Variants in RFX3 observed in about 807,000 individuals in gnomAD.
The protein encoded by RFX3 is transcription factor RFX3.
In RFX3, 14 loss-of-function variants were observed where a neutral mutation model predicts 98.6. That is an observed-to-expected ratio of 0.14 (90% CI 0.09 to 0.22). The LOEUF is 0.22. RFX3 is among the 10% of genes least tolerant of loss of function. The pLI, the probability that RFX3 is intolerant of heterozygous loss-of-function variation, is 1.00. For synonymous variants in RFX3, 383 were observed against 328.4 expected (o/e 1.17, Z -1.80); for missense variants, 639 against 926.9 (o/e 0.69, Z 4.03).
chr9:3,263,207 C>T (rs1823152039), intron 12 of RFX3, 123 bp from the exon 13 acceptor site: 10 of 1,004,724 alleles, frequency 1.0e-5, no homozygotes, highest in South Asian at 1.6e-5. Flanking sequence ...ATTTAAAATT[C>T]ATTTGGTGAG....
chr9:3,340,837 T>A (rs544794217), intron 3 of RFX3, among the ~76,000 whole-genome samples: 1 of 152,190 alleles, frequency 6.6e-6, no homozygotes, highest in African/African-American at 2.4e-5. Context: ...ATTGTGGAAG[T>A]CAGTGTGGCG....
intron 2 of RFX3, among the ~76,000 whole-genome samples, chr9:3,365,023 C>T (rs895616727): frequency 3.9e-5 from 6 of 151,912 alleles, no homozygotes; most frequent in African/African-American, 1.2e-4. Flanking sequence ...AGTAACAGGC[C>T]GGGCGTGGTG....
chr9:3,267,457 T>A (rs576347), intron 11 of RFX3, among the ~76,000 whole-genome samples: 123,015 of 151,862 alleles, frequency 0.81, 50,904 homozygotes, highest in East Asian at 0.9. Flanking sequence ...CCAGGTTTTA[T>A]AAATAATTTC....
rs1021847429 is a variant in RFX3 at position 3,224,776 on chromosome 9, A to T, written c.*266T>A. The T allele has an allele frequency of 6.5e-6, 2 of 307,042 alleles. No homozygotes were observed. Among genetic ancestry groups the T allele is most frequent in the Non-Finnish European group, 1.2e-5 (2 of 167,686 alleles). The allele number at this position is 307,042 out of a possible 1,614,324, so 19.0% of individuals were successfully genotyped here. Reference sequence around the variant, plus strand: ...TTACTTTTTAATTATAAGAAAACAAAACATTGACATTAAGTGTTGTAAAAA... The same window carrying T: ...TTACTTTTTAATTATAAGAAAACAATACATTGACATTAAGTGTTGTAAAAA... On this transcript the variant is annotated 3_prime_UTR_variant, in exon 17 of 17. Transcript: ENST00000617270.
chr9:3,485,567 A>C (rs1486467733), intron 1 of RFX3, among the ~76,000 whole-genome samples: 1 of 152,170 alleles, frequency 6.6e-6, no homozygotes, highest in Admixed American at 6.5e-5. Flanking sequence ...ATTTGTTATC[A>C]ATTATTTTTA....
intron 5 of RFX3, among the ~76,000 whole-genome samples, chr9:3,296,918 A>G (rs1586927306): frequency 6.6e-6 from 1 of 152,114 alleles, no homozygotes; most frequent in South Asian, 2.1e-4. Context: ...GCTGGGGATT[A>G]TAATCTCCAT....
At chr9:3,319,187 C>A (rs1255276214) in intron 4 of RFX3, among the ~76,000 whole-genome samples, 2 of 152,314 alleles carry the variant, frequency 1.3e-5, no homozygotes, top group Admixed American at 6.5e-5. Context: ...AAAGTGTGGT[C>A]TTGGACCAGC....
chr9:3,291,674 TC>T, intron 6 of RFX3, among the ~76,000 whole-genome samples: 1 of 152,204 alleles, frequency 6.6e-6, no homozygotes, highest in East Asian at 1.9e-4. Context: ...GTTATAGGGG[TC>T]CTAGCCATGA....
intron 1 of RFX3, among the ~76,000 whole-genome samples, chr9:3,506,898 A>C (rs540504769): frequency 6.6e-6 from 1 of 152,088 alleles, no homozygotes; most frequent in Non-Finnish European, 1.5e-5. Flanking sequence ...ATCCAATGGA[A>C]ATAATAAAAG....
chr9:3,487,824 C>A (rs1850401805), intron 1 of RFX3, among the ~76,000 whole-genome samples: 1 of 152,092 alleles, frequency 6.6e-6, no homozygotes, highest in Non-Finnish European at 1.5e-5. Context: ...AGAGTAGATA[C>A]AAATTCTAGA....
chr9:3,229,655 C>T (rs1818231913), intron 15 of RFX3, among the ~76,000 whole-genome samples: 1 of 151,990 alleles, frequency 6.6e-6, no homozygotes, highest in Non-Finnish European at 1.5e-5. Context: ...AGTAACAAAG[C>T]TAATCAAAAA....
At chr9:3,443,819 C>A (rs985935828) in intron 1 of RFX3, among the ~76,000 whole-genome samples, 2 of 152,190 alleles carry the variant, frequency 1.3e-5, no homozygotes, top group Non-Finnish European at 2.9e-5. Context: ...TACACTCCCA[C>A]CAACGATGTA....
intron 1 of RFX3, among the ~76,000 whole-genome samples, chr9:3,422,003 A>C (rs1157622267): frequency 6.8e-6 from 1 of 147,816 alleles, no homozygotes; most frequent in Non-Finnish European, 1.5e-5. Context: ...GACTCTTCTA[A>C]AAAAAAAAAA....
At chr9:3,511,380 T>G (rs1163472700) in intron 1 of RFX3, among the ~76,000 whole-genome samples, 2 of 151,942 alleles carry the variant, frequency 1.3e-5, no homozygotes, top group Non-Finnish European at 2.9e-5. Flanking sequence ...GATTTTAGAA[T>G]TGTAAAATAA....
At chr9:3,516,163 C>G (rs897558036) in intron 1 of RFX3, among the ~76,000 whole-genome samples, 1 of 152,122 alleles carries the variant, frequency 6.6e-6, no homozygotes, top group Non-Finnish European at 1.5e-5. Context: ...ATTCTCTCAC[C>G]TCAGCCTCCC....
chr9:3,328,829 T>A (rs1213177053), intron 4 of RFX3, among the ~76,000 whole-genome samples: 1 of 152,196 alleles, frequency 6.6e-6, no homozygotes, highest in Non-Finnish European at 1.5e-5. Context: ...ATATTACTAT[T>A]TTCTCCCCAA....
At chr9:3,364,257 C>CT (rs897219231) in intron 2 of RFX3, 140 of 153,878 alleles carry the variant, frequency 9.1e-4, no homozygotes, top group South Asian at 3.6e-3. Context: ...ACTAATTTCA[C>CT]TTTTTTTTTT....
At chr9:3,423,215 T>C (rs1182842828) in intron 1 of RFX3, among the ~76,000 whole-genome samples, 2 of 152,166 alleles carry the variant, frequency 1.3e-5, no homozygotes, top group African/African-American at 4.8e-5. Context: ...TACAACCACT[T>C]CAGGAAGCAC....
chr9:3,447,373 G>A (rs1416964222), intron 1 of RFX3, among the ~76,000 whole-genome samples: 1 of 151,928 alleles, frequency 6.6e-6, no homozygotes, highest in Non-Finnish European at 1.5e-5. Flanking sequence ...GATAATAACT[G>A]AATGATTTCA....
Sources: allele counts gnomAD v4.1 joint callset (sites outside exome capture counted in the v4.1 genomes callset), GRCh38; gene constraint gnomAD v4.1.1; transcripts MANE v1.5; gene names NCBI Gene and HGNC (gene_info 2026-07-23, HGNC 2026-07-21).